Variants in BTBD9 observed in about 807,000 individuals in gnomAD.
BTBD9 encodes the protein BTB domain containing 9.
Under a neutral mutation model 64.3 loss-of-function variants are expected in BTBD9, and 49 were observed. The ratio of observed to expected loss-of-function variants is 0.76; its 90% CI spans 0.61 to 0.97. BTBD9 has a LOEUF of 0.97. Among genes scored for constraint, BTBD9 ranks in the 50% least tolerant of loss-of-function variants. The pLI, the probability that BTBD9 is intolerant of heterozygous loss-of-function variation, is 0.00. For missense variants in BTBD9, 598 were observed against 762.1 expected (o/e 0.78, Z 2.53); for synonymous variants, 260 against 274.7 (o/e 0.95, Z 0.53).
intron 7 of BTBD9, 66 bp downstream of exon 7, chr6:38,344,918 G>T: frequency 9.5e-7 from 1 of 1,055,812 alleles, no homozygotes; most frequent in Non-Finnish European, 1.4e-6. Context: ...TAAGTTAAGA[G>T]AGTAACAAAG....
chr6:38,623,621 C>T (rs562823629), intron 1 of BTBD9, among the ~76,000 whole-genome samples: 19 of 152,202 alleles, frequency 1.2e-4, no homozygotes, highest in South Asian at 6.2e-4. Context: ...AGACGCTTCC[C>T]GGCATTTACA....
chr6:38,428,261 G>A (rs901431541), intron 6 of BTBD9, among the ~76,000 whole-genome samples: 9 of 151,858 alleles, frequency 5.9e-5, no homozygotes, highest in Non-Finnish European at 1.2e-4. Flanking sequence ...CAGGAGTTGG[G>A]CCCTTGAAAG....
At chr6:38,607,331 CG>C (rs1220816398) in intron 1 of BTBD9, among the ~76,000 whole-genome samples, 1 of 152,018 alleles carries the variant, frequency 6.6e-6, no homozygotes, top group African/African-American at 2.4e-5. Flanking sequence ...CATATACTGA[CG>C]ATATATGTCT....
intron 6 of BTBD9, among the ~76,000 whole-genome samples, chr6:38,479,391 AT>A (rs1338540696): frequency 6.6e-6 from 1 of 152,368 alleles, no homozygotes. Flanking sequence ...CATAAAAAAA[AT>A]CATTTCCTCA....
chr6:38,421,105 C>G (rs986139585), intron 6 of BTBD9, among the ~76,000 whole-genome samples: 1 of 151,218 alleles, frequency 6.6e-6, no homozygotes, highest in Non-Finnish European at 1.5e-5. Context: ...GTCTGTAATC[C>G]CAACACTTTG....
intron 9 of BTBD9, among the ~76,000 whole-genome samples, chr6:38,212,271 C>CGCAACACTGG (rs1272900296): frequency 6.6e-6 from 1 of 152,106 alleles, no homozygotes; most frequent in African/African-American, 2.4e-5. Flanking sequence ...GTGAGGTGGA[C>CGCAACACTGG]GCAACACTGG....
intron 6 of BTBD9, among the ~76,000 whole-genome samples, chr6:38,415,915 T>C (rs1767645243): frequency 6.6e-6 from 1 of 151,974 alleles, no homozygotes; most frequent in Admixed American, 6.6e-5. Context: ...CTCACTGACT[T>C]CGGGATCAAG....
intron 6 of BTBD9, among the ~76,000 whole-genome samples, chr6:38,441,454 G>C (rs890481598): frequency 1.3e-5 from 2 of 152,110 alleles, no homozygotes; most frequent in African/African-American, 4.8e-5. Flanking sequence ...GGGGGTCCCA[G>C]TCTGTCGTCC....
chr6:38,475,221 A>G (rs1459694538), intron 6 of BTBD9, among the ~76,000 whole-genome samples: 2 of 152,254 alleles, frequency 1.3e-5, no homozygotes, highest in Non-Finnish European at 2.9e-5. Flanking sequence ...TGGTCTACGG[A>G]CTATAAGATT....
At chr6:38,283,996 C>T (rs947644068) in intron 8 of BTBD9, among the ~76,000 whole-genome samples, 2 of 152,252 alleles carry the variant, frequency 1.3e-5, no homozygotes, top group Admixed American at 1.3e-4. Context: ...CTGTCGCTAA[C>T]TGAAGCCTGC....
At chr6:38,591,954 G>T (rs1205343062) in intron 4 of BTBD9, among the ~76,000 whole-genome samples, 2 of 152,096 alleles carry the variant, frequency 1.3e-5, no homozygotes, top group African/African-American at 4.8e-5. Flanking sequence ...TGAGGCCAAG[G>T]CAGGTGGATC....
chr6:38,552,471 T>G (rs1271877699), intron 6 of BTBD9, among the ~76,000 whole-genome samples: 2 of 152,056 alleles, frequency 1.3e-5, no homozygotes, highest in African/African-American at 2.4e-5. Context: ...TGGCCCAATC[T>G]CAAAGATTAA....
intron 6 of BTBD9, among the ~76,000 whole-genome samples, chr6:38,396,833 T>C (rs1766695291): frequency 6.6e-6 from 1 of 152,094 alleles, no homozygotes; most frequent in Admixed American, 6.5e-5. Context: ...GTTGAATTGA[T>C]ACTTTGAATA....
intron 1 of BTBD9, among the ~76,000 whole-genome samples, chr6:38,602,525 G>T (rs1337549607): frequency 1.3e-5 from 2 of 151,888 alleles, no homozygotes; most frequent in African/African-American, 4.8e-5. Flanking sequence ...AAGAATATAA[G>T]TCAAATTGTT....
At chr6:38,199,335 G>C (rs768127559) in intron 9 of BTBD9, among the ~76,000 whole-genome samples, 1 of 151,672 alleles carries the variant, frequency 6.6e-6, no homozygotes, top group East Asian at 1.9e-4. Flanking sequence ...AGTCCCTTTC[G>C]GGAGCCGCTG....
At chr6:38,230,110 A>G (rs958144081) in intron 9 of BTBD9, among the ~76,000 whole-genome samples, 2 of 152,234 alleles carry the variant, frequency 1.3e-5, no homozygotes, top group African/African-American at 2.4e-5. Context: ...CATCTGTGTT[A>G]GAGCAACAGC....
chr6:38,433,440 T>G (rs1384616929), intron 6 of BTBD9, among the ~76,000 whole-genome samples: 2 of 151,868 alleles, frequency 1.3e-5, no homozygotes, highest in African/African-American at 4.9e-5. Flanking sequence ...ATTCCACCAT[T>G]GTGATTTGTT....
chr6:38,409,314 C>T (rs1767306518), intron 6 of BTBD9, among the ~76,000 whole-genome samples: 1 of 152,160 alleles, frequency 6.6e-6, no homozygotes, highest in South Asian at 2.1e-4. Flanking sequence ...TAACTTAATT[C>T]CTTAAGCAAG....
chr6:38,374,300 T>TATATATATATATATATATATATATAC (rs1562095388), intron 6 of BTBD9, among the ~76,000 whole-genome samples: 1 of 86,556 alleles, frequency 1.2e-5, no homozygotes, highest in East Asian at 2.8e-4. Flanking sequence ...TATATATGTA[T>TATATATATATATATATATATATATAC]ATATATGTAT....
Sources: gnomAD v4.1 joint callset for allele counts (sites outside exome capture counted in the v4.1 genomes callset) on GRCh38, gnomAD v4.1.1 for gene constraint, MANE v1.5 for transcripts, NCBI Gene and HGNC (gene_info 2026-07-23, HGNC 2026-07-21) for gene names.